Variants in SAMMSON observed in about 807,000 individuals in gnomAD.
The protein encoded by SAMMSON is survival associated mitochondrial melanoma specific oncogenic non-coding RNA.
At chr3:70,400,523 A>G (rs1288968516) in intron 2 of SAMMSON, among the ~76,000 whole-genome samples, 1 of 152,178 alleles carries the variant, frequency 6.6e-6, no homozygotes, top group Non-Finnish European at 1.5e-5. Flanking sequence ...CAGCTGCCCA[A>G]TTGTGAACCA....
intron 7 of SAMMSON, among the ~76,000 whole-genome samples, chr3:70,351,002 C>G (rs1702791397): frequency 6.6e-6 from 1 of 152,236 alleles, no homozygotes; most frequent in Admixed American, 6.5e-5. Context: ...AAGCCTTGAG[C>G]AGTGGTTCTA....
chr3:70,281,243 T>C (rs1328381845), intron 6 of SAMMSON, among the ~76,000 whole-genome samples: 4 of 152,136 alleles, frequency 2.6e-5, no homozygotes, highest in Non-Finnish European at 5.9e-5. Context: ...CTCTTCTGCA[T>C]AAATTTCTTC....
At chr3:70,428,590 T>G (rs954655436) in intron 2 of SAMMSON, among the ~76,000 whole-genome samples, 6 of 152,328 alleles carry the variant, frequency 3.9e-5, no homozygotes, top group Middle Eastern at 3.4e-3. Context: ...AAAATGTGAT[T>G]TCTTTCTTCT....
At chr3:70,384,120 GA>G (rs1418405991) in intron 9 of SAMMSON, among the ~76,000 whole-genome samples, 1 of 151,194 alleles carries the variant, frequency 6.6e-6, no homozygotes, top group African/African-American at 2.4e-5. Flanking sequence ...AACAAATTTG[GA>G]AAAAATAATC....
At chr3:70,077,560 G>T (rs2067252163) in intron 4 of SAMMSON, among the ~76,000 whole-genome samples, 1 of 152,058 alleles carries the variant, frequency 6.6e-6, no homozygotes, top group Non-Finnish European at 1.5e-5. Flanking sequence ...ATTTTTGAGT[G>T]TCTGTTTTAT....
intron 9 of SAMMSON, among the ~76,000 whole-genome samples, chr3:70,367,853 G>C (rs1318403083): frequency 6.6e-6 from 1 of 151,486 alleles, no homozygotes; most frequent in Admixed American, 6.6e-5. Context: ...CAGTGTACTA[G>C]AGTCCCCCTT....
At chr3:70,166,558 C>T (rs1215888396) in intron 4 of SAMMSON, among the ~76,000 whole-genome samples, 1 of 151,844 alleles carries the variant, frequency 6.6e-6, no homozygotes, top group Non-Finnish European at 1.5e-5. Context: ...TAATTATTGC[C>T]CTCCTAGAAG....
chr3:70,193,285 T>A (rs1171861463), intron 4 of SAMMSON, among the ~76,000 whole-genome samples: 1 of 152,084 alleles, frequency 6.6e-6, no homozygotes, highest in Admixed American at 6.5e-5. Flanking sequence ...ATAATTTTAG[T>A]CCCATATTAA....
intron 4 of SAMMSON, among the ~76,000 whole-genome samples, chr3:70,124,083 C>G (rs562805317): frequency 4.2e-4 from 64 of 152,294 alleles, no homozygotes; most frequent in Non-Finnish European, 7.8e-4. Flanking sequence ...TCTCTCCTGG[C>G]CTTGGTTTCC....
At chr3:70,108,060 CA>C (rs1158163140) in intron 4 of SAMMSON, among the ~76,000 whole-genome samples, 2 of 152,138 alleles carry the variant, frequency 1.3e-5, no homozygotes, top group African/African-American at 4.8e-5. Flanking sequence ...AAGTCAGTCA[CA>C]GGTACCATTT....
intron 6 of SAMMSON, among the ~76,000 whole-genome samples, chr3:70,286,220 T>G (rs1702161116): frequency 6.6e-6 from 1 of 152,222 alleles, no homozygotes; most frequent in East Asian, 1.9e-4. Flanking sequence ...ACATCCATCT[T>G]GAATTAATTT....
At chr3:70,406,776 C>T (rs1701181299) in intron 2 of SAMMSON, among the ~76,000 whole-genome samples, 1 of 152,032 alleles carries the variant, frequency 6.6e-6, no homozygotes. Context: ...GGAACAACCA[C>T]CTAAAAAAGG....
At chr3:70,016,398 CT>C (rs1248151030) in intron 3 of SAMMSON, among the ~76,000 whole-genome samples, 1 of 152,124 alleles carries the variant, frequency 6.6e-6, no homozygotes, top group African/African-American at 2.4e-5. Context: ...TGAGAAGGAT[CT>C]CTTCACATCT....
chr3:70,329,171 T>TA (rs1020629876), intron 7 of SAMMSON, among the ~76,000 whole-genome samples: 16 of 152,050 alleles, frequency 1.1e-4, no homozygotes, highest in African/African-American at 3.1e-4. Flanking sequence ...AGAATTAAGG[T>TA]AAAAAAAGTA....
At chr3:70,057,012 T>C (rs1242683387) in intron 3 of SAMMSON, among the ~76,000 whole-genome samples, 2 of 152,050 alleles carry the variant, frequency 1.3e-5, no homozygotes, top group African/African-American at 4.8e-5. Context: ...ATCTAATCTA[T>C]TTGTGTCCCA....
intron 6 of SAMMSON, among the ~76,000 whole-genome samples, chr3:70,268,420 A>G (rs1279794254): frequency 6.8e-6 from 1 of 147,578 alleles, no homozygotes; most frequent in Non-Finnish European, 1.5e-5. Context: ...GGTGGCAGTG[A>G]GCAGAGATCG....
chr3:70,348,574 G>T (rs2106733370), intron 7 of SAMMSON, among the ~76,000 whole-genome samples: 1 of 152,160 alleles, frequency 6.6e-6, no homozygotes, highest in East Asian at 1.9e-4. Flanking sequence ...ACCTCCCAAA[G>T]GCTCACTCTC....
chr3:70,281,118 T>G (rs1702078502), intron 6 of SAMMSON, among the ~76,000 whole-genome samples: 1 of 152,180 alleles, frequency 6.6e-6, no homozygotes. Context: ...TGTGAACTGA[T>G]TTTTCAAGGA....
At chr3:70,124,723 G>A (rs2067448534) in intron 4 of SAMMSON, among the ~76,000 whole-genome samples, 1 of 147,436 alleles carries the variant, frequency 6.8e-6, no homozygotes, top group Non-Finnish European at 1.5e-5. Context: ...GCTGAGGCAG[G>A]AGAATGGCGT....
Sources: gnomAD v4.1 joint callset for allele counts (sites outside exome capture counted in the v4.1 genomes callset) on GRCh38, gnomAD v4.1.1 for gene constraint, MANE v1.5 for transcripts, NCBI Gene and HGNC (gene_info 2026-07-23, HGNC 2026-07-21) for gene names.